Variants in ANKRD30A observed in about 807,000 individuals in gnomAD.
The protein encoded by ANKRD30A is ankyrin repeat domain 30A, also known as ankyrin repeat domain-containing protein 30A.
In ANKRD30A, 170 loss-of-function variants were observed where a neutral mutation model predicts 166.3. The ratio of observed to expected loss-of-function variants is 1.02; its 90% CI spans 0.90 to 1.16. ANKRD30A has a LOEUF of 1.16. Ranked by LOEUF, ANKRD30A falls within the 50% of genes most tolerant of loss-of-function variation. The pLI is 0.00. For missense variants in ANKRD30A, 1,630 were observed against 1,518.0 expected (o/e 1.07, Z -1.23); for synonymous variants, 564 against 508.9 (o/e 1.11, Z -1.46).
At chr10:37,234,721 T>C (rs568964209), downstream of ANKRD30A, among the ~76,000 whole-genome samples, 1 of 152,354 alleles carries the variant, frequency 6.6e-6, no homozygotes, top group African/African-American at 2.4e-5. Context: ...AAAAATTTTC[T>C]AATAATTTAT....
At chr10:37,192,750 T>A (rs1314840552) in intron 25 of ANKRD30A, among the ~76,000 whole-genome samples, 1 of 152,062 alleles carries the variant, frequency 6.6e-6, no homozygotes, top group African/African-American at 2.4e-5. Flanking sequence ...AAATACAACT[T>A]CTTTCCTTAT....
chr10:37,125,894 C>T lies in ANKRD30A; in HGVS notation c.107C>T (p.Ser36Phe). The T allele has an allele frequency of 6.4e-7, 1 of 1,573,944 alleles. No homozygotes were observed. The highest frequency in any genetic ancestry group is 8.7e-7 in the Non-Finnish European group (1 of 1,146,054). ...YTSNDSYIVH[S>F]GDLRKIHKAA... is the part of the protein sequence containing the mutation. ...AGCAACGACTCCTACATCGTCCACT[C>T]TGGGGATCTTAGAAAGATCCATAAA... Residue 36 changes from serine to phenylalanine, a missense_variant, in exon 1 of 36, where the codon TCT becomes TTT. By Grantham distance (155) the Ser-to-Phe change is radical. Around this residue, in one of 4 missense-constraint regions of ANKRD30A, gnomAD observed 904 missense variants for 818.5 expected, o/e 1.10. Coordinates refer to ENST00000361713, the MANE Select transcript of ANKRD30A (RefSeq NM_052997.3).
rs879225985 is a variant in ANKRD30A, at chr10:37,165,143, T to G, written c.2052T>G (p.Ser684=). 6.2e-7 allele frequency: 1 copy of G among 1,608,750 alleles called. No individual in the cohort carries two copies. The highest frequency in any genetic ancestry group is 1.3e-5 in the African/African-American group (1 of 74,912). ...AACAAAAGGACTATGAAGAAAATTC[T>G]TGGGATACTGAGGTACTGTGTGTTG... ...ESKQKDYEEN[S]WDTESLCETV... Residue 684 remains serine, a synonymous_variant, in exon 18 of 36, where the codon TCT becomes TCG. Coordinates refer to ENST00000361713, the MANE Select transcript of ANKRD30A (RefSeq NM_052997.3).
downstream of ANKRD30A, among the ~76,000 whole-genome samples, chr10:37,236,523 G>A (rs1400130827): frequency 6.6e-6 from 1 of 152,152 alleles, no homozygotes; most frequent in Non-Finnish European, 1.5e-5. Flanking sequence ...CACACTCAAT[G>A]TGCTTTGCCC....
chr10:37,235,124 A>G (rs889770935), downstream of ANKRD30A, among the ~76,000 whole-genome samples: 2 of 152,242 alleles, frequency 1.3e-5, no homozygotes, highest in Non-Finnish European at 2.9e-5. Context: ...TTTAGGCTCT[A>G]TATAATTTCT....
intron 17 of ANKRD30A, 115 bp from the exon 18 acceptor site, chr10:37,164,979 A>C: frequency 7.4e-6 from 8 of 1,080,406 alleles, no homozygotes; most frequent in Non-Finnish European, 9.7e-6. Context: ...AAAAGAACAT[A>C]TGGGCCACAG....
At chr10:37,242,548 T>C in the ANKRD30A span, among the ~76,000 whole-genome samples, 1 of 152,206 alleles carries the variant, frequency 6.6e-6, no homozygotes, top group African/African-American at 2.4e-5. Context: ...TTTAATAGGT[T>C]ATGACTTGTT....
chr10:37,216,781 A>G (rs1588944871), intron 32 of ANKRD30A, among the ~76,000 whole-genome samples: 1 of 151,244 alleles, frequency 6.6e-6, no homozygotes. Flanking sequence ...ATATTTGGTT[A>G]AGTTATAGGA....
rs529061066 is a variant in ANKRD30A at position 37,126,147 on chromosome 10, G to A, written c.221+139G>A. The A allele has an allele frequency of 2.9e-4, 258 of 882,238 alleles. 1 individual carries two copies. The South Asian group carries it at 4.0e-3, about 14-fold the overall frequency. The allele number at this position is 882,238 out of a possible 1,614,324, so 54.7% of individuals were successfully genotyped here. On this transcript the variant is annotated intron_variant, in intron 1 of 35. Transcript: ENST00000361713. ...TAACGGGCAGCGGGGCAGCCATCCTGGGCCCTCGGGTCTAGGCCTTCTTCC... is the reference window on the plus strand; with the variant it reads ...TAACGGGCAGCGGGGCAGCCATCCTAGGCCCTCGGGTCTAGGCCTTCTTCC...
intron 13 of ANKRD30A, among the ~76,000 whole-genome samples, chr10:37,155,124 T>TA (rs1453388776): frequency 6.6e-6 from 1 of 152,186 alleles, no homozygotes; most frequent in Non-Finnish European, 1.5e-5. Flanking sequence ...CTTGAATACT[T>TA]AAATTGTTGT....
chr10:37,165,224 A>T lies in ANKRD30A; in HGVS notation c.2064+69A>T. On this transcript the variant is annotated intron_variant, in intron 18 of 35. Transcript: ENST00000361713. Reference sequence around the variant, plus strand: ...TATGAAAACATAAAATCAGATGCTTAGTCTTTATTTTCTCACCTCTGCATG... The same window carrying T: ...TATGAAAACATAAAATCAGATGCTTTGTCTTTATTTTCTCACCTCTGCATG... The T allele has an allele frequency of 3.5e-6, 5 of 1,438,198 alleles. 1 individual carries two copies. In the Admixed American group the frequency reaches 8.7e-5, roughly 25 times the overall value. 89.1% of individuals were successfully genotyped at this position (1,438,198 alleles called of 1,614,324 possible).
At chr10:37,240,416 A>G in the ANKRD30A span, among the ~76,000 whole-genome samples, 1 of 152,124 alleles carries the variant, frequency 6.6e-6, no homozygotes, top group Non-Finnish European at 1.5e-5. Flanking sequence ...CATAGTTCAT[A>G]AGCAGTCACG....
intron 7 of ANKRD30A, among the ~76,000 whole-genome samples, chr10:37,142,557 T>TCATAGGATCA (rs1837219060): frequency 6.8e-6 from 1 of 146,924 alleles, no homozygotes; most frequent in Non-Finnish European, 1.5e-5. Flanking sequence ...TACAGGGATA[T>TCATAGGATCA]CATAGGATCA....
Position 37,142,215 on chromosome 10 carries a change from A to C in ANKRD30A, c.1318A>C (p.Lys440Gln), listed in dbSNP as rs1391200419. The C allele has an allele frequency of 9.9e-6, 16 of 1,608,746 alleles. No individual in the cohort carries two copies. In the South Asian group the frequency reaches 1.7e-4, roughly 17 times the overall value. ...GGCAAGAGTAACATCTAATAAAACT[A>C]AAGTTTTGGAAAAAGGAAGATCTAA... ...CVARVTSNKT[K>Q]VLEKGRSKMI... The change falls in exon 7 of 36, where the codon AAA becomes CAA. Residue 440 changes from lysine (K) to glutamine (Q), a missense_variant. Coordinates refer to ENST00000361713, the MANE Select transcript of ANKRD30A (RefSeq NM_052997.3).
the ANKRD30A span, among the ~76,000 whole-genome samples, chr10:37,249,342 A>G: frequency 6.6e-6 from 1 of 152,100 alleles, no homozygotes; most frequent in Non-Finnish European, 1.5e-5. Context: ...ACCCATTTTC[A>G]TTGGATTATT....
In ANKRD30A at chr10:37,179,309, G is replaced by A. The variant is rs1167839997; in HGVS notation, c.2421+3091G>A. Among the ~76,000 whole-genome samples, 5 of 150,908 alleles carry A rather than the reference G, an allele frequency of 3.3e-5. 1 individual carries two copies. In the East Asian group the frequency reaches 9.7e-4, roughly 29 times the overall value. On this transcript the variant is annotated intron_variant, in intron 24 of 35. Transcript: ENST00000361713. ...TAGGTATTTTACTGATTTTAACGTA[G>A]AAAATGTTATTAATATTTAAAAGTC...
Position 37,219,859 on chromosome 10 carries a change from C to T in ANKRD30A, c.4147C>T (p.Arg1383Cys), listed in dbSNP as rs547088929. 114 of 1,547,676 alleles carry T rather than the reference C, an allele frequency of 7.4e-5. No individual in the cohort carries two copies. Among genetic ancestry groups the T allele is most frequent in the Middle Eastern group, 1.7e-4 (1 of 5,776 alleles). Reference protein sequence around the residue: ...IFNYNNHLKNRIYQYEKEKAE... With the variant: ...IFNYNNHLKNCIYQYEKEKAE... ...TAATTACAATAACCATTTAAAAAAC[C>T]GTATATATCAATATGAAAAAGAGAA... Residue 1383 changes from arginine to cysteine, a missense_variant, in exon 34 of 36, where the codon CGT becomes TGT. This residue lies in a region of ANKRD30A where 712 missense variants were observed against 629.3 expected (regional missense o/e 1.13). Coordinates refer to ENST00000361713, the MANE Select transcript of ANKRD30A (RefSeq NM_052997.3).
chr10:37,197,036 A>C (rs1347796570), intron 27 of ANKRD30A, among the ~76,000 whole-genome samples: 1 of 152,204 alleles, frequency 6.6e-6, no homozygotes, highest in Admixed American at 6.5e-5. Flanking sequence ...CCCTGTTTAC[A>C]CGTGAAACAC....
the ANKRD30A span, chr10:37,241,377 CAT>C: frequency 1.1e-4 from 17 of 150,992 alleles, 1 homozygote; most frequent in African/African-American, 2.2e-4. Context: ...TAACATAAAA[CAT>C]ATAAAATTTT....
Sources: gnomAD v4.1 joint callset for allele counts (sites outside exome capture counted in the v4.1 genomes callset) on GRCh38, gnomAD v4.1.1 for gene constraint, gnomAD v4.1.1 regional missense constraint, MANE v1.5 for transcripts, NCBI Gene and HGNC (gene_info 2026-07-23, HGNC 2026-07-21) for gene names.